Variants in KRABD1 observed in about 807,000 individuals in gnomAD.
The protein encoded by KRABD1 is KRAB domain containing 1.
At chr3:42,936,520 T>C in the KRABD1 span, 1 of 152,260 alleles carries the variant, frequency 6.6e-6, no homozygotes, top group African/African-American at 2.4e-5. Context: ...CTGCTGGTAC[T>C]GGGGTCCTCA....
the KRABD1 span, chr3:42,937,229 C>T: frequency 6.6e-6 from 1 of 152,148 alleles, no homozygotes; most frequent in Non-Finnish European, 1.5e-5. Context: ...ATTCGATGTC[C>T]CTGCCATTAG....
chr3:42,940,918 T>TTCTG, the KRABD1 span, among the ~76,000 whole-genome samples: 1 of 152,124 alleles, frequency 6.6e-6, no homozygotes, highest in Non-Finnish European at 1.5e-5. Flanking sequence ...ACAAGTGCAC[T>TTCTG]TCTGTGATCG....
At chr3:42,940,310 C>T in the KRABD1 span, among the ~76,000 whole-genome samples, 1 of 151,744 alleles carries the variant, frequency 6.6e-6, no homozygotes, top group Admixed American at 6.6e-5. Flanking sequence ...TTTTAAAATC[C>T]CTATTCAGTT....
At chr3:42,941,773 C>T in the KRABD1 span, among the ~76,000 whole-genome samples, 5 of 152,018 alleles carry the variant, frequency 3.3e-5, no homozygotes, top group African/African-American at 1.2e-4. Flanking sequence ...TTCAGGCTTC[C>T]TTGGAAGAAC....
chr3:42,941,416 T>C, the KRABD1 span: 47 of 1,464,494 alleles, frequency 3.2e-5, no homozygotes, highest in Non-Finnish European at 4.2e-5. Context: ...TTTATAATTA[T>C]TAGCTGACCC....
At chr3:42,942,193 A>AT in the KRABD1 span, 2 of 702,448 alleles carry the variant, frequency 2.8e-6, no homozygotes, top group African/African-American at 1.8e-5. Flanking sequence ...CCTCGATCAC[A>AT]TTTTTTCTGA....
At chr3:42,936,562 G>GC in the KRABD1 span, 3 of 152,274 alleles carry the variant, frequency 2.0e-5, no homozygotes, top group Non-Finnish European at 4.4e-5. Context: ...CTGTAGCGTC[G>GC]AGATGCGGCG....
At chr3:42,939,960 G>T in the KRABD1 span, among the ~76,000 whole-genome samples, 1 of 151,884 alleles carries the variant, frequency 6.6e-6, no homozygotes, top group Non-Finnish European at 1.5e-5. Flanking sequence ...CCAATCAGTG[G>T]CTTGCATTTT....
At chr3:42,942,257 T>G in the KRABD1 span, among the ~76,000 whole-genome samples, 8 of 152,194 alleles carry the variant, frequency 5.3e-5, no homozygotes, top group Non-Finnish European at 8.8e-5. Flanking sequence ...CACAACACTC[T>G]TCTTCTGTAT....
chr3:42,941,373 G>T, the KRABD1 span: 1 of 1,560,628 alleles, frequency 6.4e-7, no homozygotes, highest in Non-Finnish European at 8.6e-7. Context: ...TCTGCTGCTG[G>T]TTTCTGCTTG....
At chr3:42,938,640 C>T in the KRABD1 span, 1 of 360,904 alleles carries the variant, frequency 2.8e-6, no homozygotes, top group Non-Finnish European at 5.2e-6. Context: ...TTTTCTCAGT[C>T]CACTTTTTCA....
the KRABD1 span, chr3:42,941,141 A>G: frequency 7.6e-7 from 1 of 1,324,158 alleles, no homozygotes; most frequent in Non-Finnish European, 1.0e-6. Context: ...TATCATTTGT[A>G]GATGCCCTTC....
the KRABD1 span, among the ~76,000 whole-genome samples, chr3:42,941,552 G>C: frequency 6.6e-6 from 1 of 152,082 alleles, no homozygotes; most frequent in Non-Finnish European, 1.5e-5. Flanking sequence ...AGGTGATTCT[G>C]AGTACAGTAG....
At chr3:42,939,225 A>G in the KRABD1 span, among the ~76,000 whole-genome samples, 1 of 152,168 alleles carries the variant, frequency 6.6e-6, no homozygotes, top group Non-Finnish European at 1.5e-5. Context: ...CTCCCAAGCA[A>G]TCCACTGCTC....
the KRABD1 span, chr3:42,937,786 A>G: frequency 6.6e-6 from 1 of 152,098 alleles, no homozygotes; most frequent in African/African-American, 2.4e-5. Context: ...ACCTTCCTGA[A>G]TGGCTTTCTG....
chr3:42,941,288 G>A, the KRABD1 span: 1 of 1,596,704 alleles, frequency 6.3e-7, no homozygotes, highest in Admixed American at 1.7e-5. Flanking sequence ...CCATCATGGT[G>A]CCTGCCGAGA....
chr3:42,939,012 CTA>C, the KRABD1 span: 1 of 991,942 alleles, frequency 1.0e-6, no homozygotes, highest in East Asian at 2.7e-5. Context: ...ATAAAAATAT[CTA>C]TATTACACAT....
At chr3:42,941,835 C>T in the KRABD1 span, 2 of 667,296 alleles carry the variant, frequency 3.0e-6, no homozygotes, top group Admixed American at 4.2e-5. Flanking sequence ...TAGGGTACCT[C>T]TCGTATAGCT....
chr3:42,938,883 T>G, the KRABD1 span: 1 of 1,530,494 alleles, frequency 6.5e-7, no homozygotes, highest in African/African-American at 1.4e-5. Context: ...CAGAAAGGAA[T>G]AAAAGAGGTC....
Sources: allele counts gnomAD v4.1 joint callset (sites outside exome capture counted in the v4.1 genomes callset), GRCh38; gene constraint gnomAD v4.1.1; transcripts MANE v1.5; gene names NCBI Gene and HGNC (gene_info 2026-07-23, HGNC 2026-07-21).